Variants in TOP6BL observed in about 807,000 individuals in gnomAD.
TOP6BL encodes TOP6B like initiator of meiotic double strand breaks.
the TOP6BL span, among the ~76,000 whole-genome samples, chr11:66,829,305 G>T: frequency 6.6e-6 from 1 of 151,914 alleles, no homozygotes; most frequent in East Asian, 1.9e-4. Flanking sequence ...GGCCGCGTGT[G>T]GTGGCTACGC....
At chr11:66,793,594 G>A in the TOP6BL span, among the ~76,000 whole-genome samples, 3 of 151,012 alleles carry the variant, frequency 2.0e-5, no homozygotes, top group Non-Finnish European at 3.0e-5. Context: ...ACAGGTGCCC[G>A]TCACCACTCC....
the TOP6BL span, among the ~76,000 whole-genome samples, chr11:66,777,166 T>C: frequency 6.7e-6 from 1 of 149,852 alleles, no homozygotes; most frequent in African/African-American, 2.4e-5. Flanking sequence ...TAAGCATTTT[T>C]CATGTTATGA....
chr11:66,843,393 G>C, the TOP6BL span: 2 of 1,428,492 alleles, frequency 1.4e-6, no homozygotes, highest in Non-Finnish European at 1.8e-6. Context: ...CCGCGCCGCG[G>C]CCTGACGTCA....
At chr11:66,820,192 C>A in the TOP6BL span, among the ~76,000 whole-genome samples, 1 of 152,144 alleles carries the variant, frequency 6.6e-6, no homozygotes, top group Non-Finnish European at 1.5e-5. Context: ...GCAGAATTGG[C>A]CCTAGAATCT....
chr11:66,822,432 CA>C, the TOP6BL span: 1 of 623,544 alleles, frequency 1.6e-6, no homozygotes, highest in African/African-American at 1.9e-5. Flanking sequence ...GTGAGGATCT[CA>C]GTAACTTTTG....
the TOP6BL span, chr11:66,758,302 C>CTTTTCTTTTTTTTTTTTTT: frequency 2.2e-4 from 15 of 67,320 alleles, no homozygotes; most frequent in African/African-American, 6.4e-4. Flanking sequence ...TTTTCTTTTT[C>CTTTTCTTTTTTTTTTTTTT]TTTTTTTTTT....
At chr11:66,753,429 C>A in the TOP6BL span, among the ~76,000 whole-genome samples, 6 of 135,750 alleles carry the variant, frequency 4.4e-5, no homozygotes, top group African/African-American at 1.4e-4. Context: ...TTTTTTGAGA[C>A]AGAGTCTCAC....
the TOP6BL span, among the ~76,000 whole-genome samples, chr11:66,808,629 A>G: frequency 1.3e-5 from 2 of 152,256 alleles, no homozygotes; most frequent in African/African-American, 4.8e-5. Context: ...AATACCTTTT[A>G]ACAAGAACAA....
chr11:66,806,199 C>T, the TOP6BL span, among the ~76,000 whole-genome samples: 3 of 152,148 alleles, frequency 2.0e-5, no homozygotes, highest in Non-Finnish European at 4.4e-5. Flanking sequence ...GTTGGATTCA[C>T]TACTAATTAG....
At chr11:66,777,938 C>G in the TOP6BL span, among the ~76,000 whole-genome samples, 1 of 152,046 alleles carries the variant, frequency 6.6e-6, no homozygotes, top group Non-Finnish European at 1.5e-5. Context: ...CCGTACTTTG[C>G]CAGCATTGGG....
At chr11:66,808,957 CGT>C in the TOP6BL span, among the ~76,000 whole-genome samples, 24 of 151,914 alleles carry the variant, frequency 1.6e-4, no homozygotes, top group South Asian at 3.7e-3. Flanking sequence ...TGTGTGTGTG[CGT>C]GTGTGTGACG....
the TOP6BL span, among the ~76,000 whole-genome samples, chr11:66,807,594 A>C: frequency 1.3e-5 from 2 of 152,138 alleles, no homozygotes; most frequent in South Asian, 2.1e-4. Flanking sequence ...AACAAACAAA[A>C]AAATCATAAA....
At chr11:66,838,721 C>A in the TOP6BL span, among the ~76,000 whole-genome samples, 3 of 152,012 alleles carry the variant, frequency 2.0e-5, no homozygotes, top group Non-Finnish European at 4.4e-5. Context: ...ATTCAGGGCC[C>A]TGAATTTTAT....
chr11:66,796,019 G>A, the TOP6BL span: 18 of 331,482 alleles, frequency 5.4e-5, 2 homozygotes, highest in Admixed American at 5.2e-4. Flanking sequence ...GTCCCCAAAG[G>A]TGGTTTTGAC....
the TOP6BL span, among the ~76,000 whole-genome samples, chr11:66,751,261 C>T: frequency 6.6e-6 from 1 of 152,102 alleles, no homozygotes; most frequent in African/African-American, 2.4e-5. Flanking sequence ...GCGCCAGGAT[C>T]TCGGCTGGCT....
chr11:66,781,200 T>C, the TOP6BL span, among the ~76,000 whole-genome samples: 1 of 152,156 alleles, frequency 6.6e-6, no homozygotes, highest in Non-Finnish European at 1.5e-5. Context: ...TTTAGACTGG[T>C]TGATATTTTC....
the TOP6BL span, among the ~76,000 whole-genome samples, chr11:66,775,553 A>G: frequency 6.6e-6 from 1 of 152,168 alleles, no homozygotes; most frequent in Non-Finnish European, 1.5e-5. Context: ...TTAAGAGTCT[A>G]TGTGTATTTT....
the TOP6BL span, among the ~76,000 whole-genome samples, chr11:66,837,760 T>TGAG: frequency 3.3e-5 from 5 of 152,196 alleles, no homozygotes; most frequent in African/African-American, 1.2e-4. Flanking sequence ...TTTTTAATTT[T>TGAG]GAGGAAGAAG....
chr11:66,801,030 G>A, the TOP6BL span: 1 of 1,613,746 alleles, frequency 6.2e-7, no homozygotes, highest in Non-Finnish European at 8.5e-7. Context: ...TTGCTTTGCA[G>A]GGTGGAGAAT....
Sources: allele counts gnomAD v4.1 joint callset (sites outside exome capture counted in the v4.1 genomes callset), GRCh38; gene constraint gnomAD v4.1.1; transcripts MANE v1.5; gene names NCBI Gene and HGNC (gene_info 2026-07-23, HGNC 2026-07-21).